Variants in ADGRL2 observed in about 807,000 individuals in gnomAD.
ADGRL2 encodes the protein adhesion G protein-coupled receptor L2.
In ADGRL2, 44 loss-of-function variants were observed where a neutral mutation model predicts 157.4. The observed-to-expected ratio is 0.28, with a 90% confidence interval of 0.22 to 0.36. The LOEUF is 0.36. ADGRL2 is among the 10% of genes least tolerant of loss of function. The probability of loss-of-function intolerance (pLI) is 1.00; values close to 1 mark genes in which losing one functional copy is unlikely to be tolerated. For missense variants in ADGRL2, 1,510 were observed against 1,768.9 expected (o/e 0.85, Z 2.63); for synonymous variants, 585 against 624.7 (o/e 0.94, Z 0.95).
Position 81,777,629 on chromosome 1 carries a change from G to T in ADGRL2, c.-101+15777G>T, listed in dbSNP as rs118064967. ...CTACAAAAAATTAGCCCGGTGTCATGGCACATGCCTGTAGTCCCAGCTACC... is the reference window on the plus strand; with the variant it reads ...CTACAAAAAATTAGCCCGGTGTCATTGCACATGCCTGTAGTCCCAGCTACC... On this transcript the variant is annotated intron_variant, in intron 2 of 20. Transcript: ENST00000359929. 1.2e-4 allele frequency among the ~76,000 whole-genome samples: 18 copies of T among 152,216 alleles called. No individual in the cohort carries two copies. The East Asian group carries it at 3.5e-3, about 30-fold the overall frequency.
chr1:81,779,901 A>T (rs940776805), intron 2 of ADGRL2, among the ~76,000 whole-genome samples: 26 of 152,194 alleles, frequency 1.7e-4, no homozygotes, highest in Admixed American at 6.5e-5. Context: ...CGGTCAAGAA[A>T]TTGTCACTAT....
At chr1:81,448,378 T>G (rs914531446) in intron 2 of ADGRL2, among the ~76,000 whole-genome samples, 1 of 152,004 alleles carries the variant, frequency 6.6e-6, no homozygotes, top group Non-Finnish European at 1.5e-5. Context: ...ACTCCTGACC[T>G]CAGGTGATCC....
chr1:81,559,604 A>G (rs370308881), intron 2 of ADGRL2, among the ~76,000 whole-genome samples: 2 of 152,218 alleles, frequency 1.3e-5, no homozygotes, highest in East Asian at 1.9e-4. Flanking sequence ...TTATTATTCA[A>G]ATACTAATTT....
At chr1:81,689,599 G>A (rs2083292673) in intron 3 of ADGRL2, among the ~76,000 whole-genome samples, 1 of 152,182 alleles carries the variant, frequency 6.6e-6, no homozygotes, top group African/African-American at 2.4e-5. Context: ...CCTTTGGCAA[G>A]ATGACAAGAA....
Position 81,560,477 on chromosome 1 carries a change from C to T in ADGRL2, c.-247-20399C>T, listed in dbSNP as rs140208373. Among the ~76,000 whole-genome samples, 364 of 152,276 alleles carry T rather than the reference C, an allele frequency of 2.4e-3. 4 individuals are homozygous for T. Among genetic ancestry groups the T allele is most frequent in the African/African-American group, 8.6e-3 (357 of 41,538 alleles). On this transcript the variant is annotated intron_variant, in intron 2 of 24. Transcript: ENST00000370721. ...TAGCGGCCTAGAGCATCGTATTCCA[C>T]AGTCAGCGTCCAATAGGCAACAGCC... is the stretch of plus-strand genomic sequence containing the variant.
At chr1:81,898,123 A>G (rs936349445) in intron 2 of ADGRL2, among the ~76,000 whole-genome samples, 8 of 152,118 alleles carry the variant, frequency 5.3e-5, no homozygotes, top group African/African-American at 1.2e-4. Context: ...GCAGACAAAC[A>G]AAAAAACAGC....
At chr1:81,483,085 C>A (rs911845728) in intron 2 of ADGRL2, among the ~76,000 whole-genome samples, 3 of 151,978 alleles carry the variant, frequency 2.0e-5, no homozygotes, top group African/African-American at 7.2e-5. Flanking sequence ...GAATAGTCAC[C>A]CTCAGAACCC....
Position 81,678,068 on chromosome 1 carries a change from A to T in ADGRL2, c.-142-83743A>T, listed in dbSNP as rs147719242. On this transcript the variant is annotated intron_variant, in intron 3 of 24. Transcript: ENST00000370721. ...ATCTTTAAGACACAGCTGAAATGTC[A>T]CCTCCCATATGTAGCCTTCTCAGAG... 3.3e-5 allele frequency among the ~76,000 whole-genome samples: 5 copies of T among 152,190 alleles called. No homozygotes were observed. The East Asian group carries it at 9.7e-4, about 29-fold the overall frequency.
intron 2 of ADGRL2, among the ~76,000 whole-genome samples, chr1:81,493,881 CT>C (rs1406988369): frequency 6.6e-6 from 1 of 151,894 alleles, no homozygotes; most frequent in African/African-American, 2.4e-5. Flanking sequence ...GGGGAGAGGG[CT>C]TATTAATTAT....
At chr1:81,564,390 C>T (rs993106827) in intron 2 of ADGRL2, among the ~76,000 whole-genome samples, 3 of 152,112 alleles carry the variant, frequency 2.0e-5, no homozygotes, top group South Asian at 2.1e-4. Flanking sequence ...AAGGTTAGAC[C>T]GGAGGAGGAT....
At chr1:81,989,953 C>T (rs935410557) in intron 23 of ADGRL2, 1 of 984,984 alleles carries the variant, frequency 1.0e-6, no homozygotes, top group African/African-American at 1.7e-5. Flanking sequence ...GTGACTTACT[C>T]CTTTTTAATT....
At chr1:81,401,318 G>C (rs371516143) in intron 1 of ADGRL2, among the ~76,000 whole-genome samples, 1 of 152,096 alleles carries the variant, frequency 6.6e-6, no homozygotes, top group Non-Finnish European at 1.5e-5. Context: ...ACACAGGCAG[G>C]GGACCCCAGT....
intron 1 of ADGRL2, among the ~76,000 whole-genome samples, chr1:81,401,639 C>T (rs886411060): frequency 2.0e-5 from 3 of 152,296 alleles, no homozygotes; most frequent in Middle Eastern, 3.4e-3. Flanking sequence ...GCTCTGTCCT[C>T]CTCATTTGGC....
At chr1:81,636,070 C>T (rs184243369) in intron 3 of ADGRL2, among the ~76,000 whole-genome samples, 11 of 152,236 alleles carry the variant, frequency 7.2e-5, no homozygotes, top group Non-Finnish European at 1.5e-5. Context: ...AAACAGTATC[C>T]AGACTAGAGG....
At chr1:81,829,282 C>A (rs766792749) in intron 1 of ADGRL2, among the ~76,000 whole-genome samples, 10 of 152,162 alleles carry the variant, frequency 6.6e-5, no homozygotes, top group Non-Finnish European at 1.3e-4. Context: ...CTATTCTGTT[C>A]ATTCACTTAG....
In ADGRL2 at chr1:81,651,986, C is replaced by A. The variant is rs561081165; in HGVS notation, c.-143+71006C>A. Among the ~76,000 whole-genome samples the A allele has an allele frequency of 3.9e-5, 6 of 152,120 alleles. No individual in the cohort carries two copies. In the South Asian group the frequency reaches 1.2e-3, roughly 32 times the overall value. ...CCTCCCAAAGTGTGAGGATTACAGG[C>A]GTGAGGCACCACACCACAGCCCAGC... On this transcript the variant is annotated intron_variant, in intron 3 of 24. Coordinates refer to the ADGRL2 transcript ENST00000370721.
At chr1:81,928,882 A>G (rs908470006) in intron 3 of ADGRL2, among the ~76,000 whole-genome samples, 1 of 152,066 alleles carries the variant, frequency 6.6e-6, no homozygotes, top group Non-Finnish European at 1.5e-5. Flanking sequence ...TTTAACTGAG[A>G]CAGACAGAAA....
Position 81,502,867 on chromosome 1 carries a change from C to T in ADGRL2, c.-248+57778C>T, listed in dbSNP as rs553464830. ...TGCCCTCCTCTCCCCACCCAAGATC[C>T]GCTTTCCCATCCTTGGGCTTGGCTC... On this transcript the variant is annotated intron_variant, in intron 2 of 24. Coordinates refer to the ADGRL2 transcript ENST00000370721. 6.2e-6 allele frequency: 10 copies of T among 1,613,082 alleles called. No homozygotes were observed. In the East Asian group the frequency reaches 6.7e-5, roughly 11 times the overall value.
At chr1:81,399,710 A>G (rs370304305) in intron 1 of ADGRL2, among the ~76,000 whole-genome samples, 197 of 152,150 alleles carry the variant, frequency 1.3e-3, no homozygotes, top group African/African-American at 4.4e-3. Flanking sequence ...TAAATTGTCT[A>G]TCTGTATTTT....
Sources: gnomAD v4.1 joint callset for allele counts (sites outside exome capture counted in the v4.1 genomes callset) on GRCh38, gnomAD v4.1.1 for gene constraint, MANE v1.5 for transcripts, NCBI Gene and HGNC (gene_info 2026-07-23, HGNC 2026-07-21) for gene names.